The following APBA1 variants were observed in gnomAD, a reference collection of about 807,000 sequenced individuals.
The protein encoded by APBA1 is amyloid beta precursor protein binding family A member 1.
A neutral mutation model predicts 86.6 loss-of-function variants in APBA1; 55 were observed. The ratio of observed to expected loss-of-function variants is 0.64; its 90% CI spans 0.51 to 0.80. The LOEUF (loss-of-function observed/expected upper bound fraction) is 0.80, where lower values mean the gene tolerates loss of function less well. APBA1 is among the 30% of genes least tolerant of loss of function. The pLI is 0.00. For synonymous variants in APBA1, 511 were observed against 493.9 expected, an observed-to-expected ratio of 1.03 and a Z score of -0.46; for missense variants, 1,090 against 1,183.0, an observed-to-expected ratio of 0.92 and a Z score of 1.15.
intron 1 of APBA1, among the ~76,000 whole-genome samples, chr9:69,626,677 CT>C (rs1822937611): frequency 6.6e-6 from 1 of 152,104 alleles, no homozygotes; most frequent in Non-Finnish European, 1.5e-5. Context: ...TAAATTTACT[CT>C]TTAAGACTTG....
chr9:69,659,904 A>T (rs938611614), intron 1 of APBA1, among the ~76,000 whole-genome samples: 2 of 152,228 alleles, frequency 1.3e-5, no homozygotes, highest in Non-Finnish European at 2.9e-5. Context: ...CAGAAAGCTG[A>T]CTTAATTGTT....
chr9:69,599,878 C>T (rs1446327401), intron 1 of APBA1, among the ~76,000 whole-genome samples: 1 of 152,164 alleles, frequency 6.6e-6, no homozygotes, highest in Non-Finnish European at 1.5e-5. Flanking sequence ...GATCAGGAGG[C>T]CAAAGTAAGT....
At chr9:69,526,180 A>G (rs569292872) in intron 1 of APBA1, among the ~76,000 whole-genome samples, 5 of 152,288 alleles carry the variant, frequency 3.3e-5, no homozygotes, top group African/African-American at 1.2e-4. Context: ...TTTATGATGA[A>G]GTCCTCAAAA....
At chr9:69,471,815 C>T in intron 3 of APBA1, 120 bp from the exon 4 acceptor site, 1 of 789,366 alleles carries the variant, frequency 1.3e-6, no homozygotes, top group Non-Finnish European at 2.1e-6. Flanking sequence ...AATTATTGAT[C>T]ATTTTTAGTT....
intron 1 of APBA1, among the ~76,000 whole-genome samples, chr9:69,658,266 T>TTCTCTCTCTCTCTTTCTCTCTCTCTC (rs1491080431): frequency 1.2e-5 from 1 of 81,602 alleles, no homozygotes; most frequent in Non-Finnish European, 2.4e-5. Flanking sequence ...CTTTCTTTCT[T>TTCTCTCTCTCTCTTTCTCTCTCTCTC]TCTTTCTTTC....
chr9:69,600,834 A>AAAT (rs1485385151), intron 1 of APBA1, among the ~76,000 whole-genome samples: 1 of 141,712 alleles, frequency 7.1e-6, no homozygotes, highest in Non-Finnish European at 1.5e-5. Flanking sequence ...ATAAATAAAT[A>AAAT]AAATAAAATA....
chr9:69,526,080 A>T (rs1836337595), intron 1 of APBA1, among the ~76,000 whole-genome samples: 1 of 152,120 alleles, frequency 6.6e-6, no homozygotes, highest in Non-Finnish European at 1.5e-5. Flanking sequence ...ATTGAAGATA[A>T]ATGTAAAATA....
chr9:69,609,981 GACTTA>G (rs1458642436), intron 1 of APBA1, among the ~76,000 whole-genome samples: 5 of 152,058 alleles, frequency 3.3e-5, no homozygotes, highest in African/African-American at 1.2e-4. Flanking sequence ...AGTCCTTATT[GACTTA>G]ACTTGGGATC....
At chr9:69,431,491 C>CTGG in intron 12 of APBA1, 93 bp from the exon 13 acceptor site, 1 of 1,103,442 alleles carries the variant, frequency 9.1e-7, no homozygotes, top group Non-Finnish European at 1.3e-6. Context: ...CAGTGCCTCT[C>CTGG]CCACAGAGGG....
At chr9:69,563,732 T>C (rs144598836) in intron 1 of APBA1, among the ~76,000 whole-genome samples, 2 of 152,276 alleles carry the variant, frequency 1.3e-5, no homozygotes, top group African/African-American at 4.8e-5. Context: ...CTGGCTCAAC[T>C]GTTTTGCACT....
rs1223443856 is a variant in APBA1, at chr9:69,523,523, A to G, written c.-69-6244T>C. On this transcript the variant is annotated intron_variant, in intron 1 of 12. Coordinates refer to ENST00000265381, the MANE Select transcript of APBA1 (RefSeq NM_001163.4). Reference sequence around the variant, plus strand: ...TATATATATATATATATATATATATATATATATATAGACACACACACACAC... The same window carrying G: ...TATATATATATATATATATATATATGTATATATATAGACACACACACACAC... Among the ~76,000 whole-genome samples the G allele has an allele frequency of 8.0e-5, 5 of 62,194 alleles. No individual in the cohort carries two copies. In the South Asian group the frequency reaches 1.6e-3, roughly 20 times the overall value. The allele number at this position is 62,194 out of a possible 152,430, so 40.8% of individuals were successfully genotyped here.
chr9:69,557,430 G>A (rs1836879328), intron 1 of APBA1, among the ~76,000 whole-genome samples: 1 of 152,180 alleles, frequency 6.6e-6, no homozygotes, highest in African/African-American at 2.4e-5. Flanking sequence ...GAAGAACAAT[G>A]AATAACCCAA....
intron 1 of APBA1, among the ~76,000 whole-genome samples, chr9:69,671,634 T>C (rs944990098): frequency 6.6e-6 from 1 of 152,068 alleles, no homozygotes; most frequent in African/African-American, 2.4e-5. Flanking sequence ...CACACACATA[T>C]ACAGGATTTT....
intron 1 of APBA1, among the ~76,000 whole-genome samples, chr9:69,541,377 T>C (rs961983690): frequency 6.6e-6 from 1 of 152,116 alleles, no homozygotes; most frequent in African/African-American, 2.4e-5. Flanking sequence ...TGTTTTGTTT[T>C]TGTTTTTGAT....
At chr9:69,441,247 GCCT>G in intron 10 of APBA1, 132 bp from the exon 11 acceptor site, 2 of 1,091,568 alleles carry the variant, frequency 1.8e-6, no homozygotes, top group Non-Finnish European at 2.6e-6. Flanking sequence ...TTGCCTGCAG[GCCT>G]CTGGTGCCTG....
chr9:69,455,741 C>G (rs1835084850), intron 8 of APBA1, among the ~76,000 whole-genome samples: 1 of 152,122 alleles, frequency 6.6e-6, no homozygotes, highest in African/African-American at 2.4e-5. Context: ...CAGACCTGCT[C>G]AAACCCCTAC....
At chr9:69,587,268 C>T (rs776426884) in intron 1 of APBA1, among the ~76,000 whole-genome samples, 8 of 152,178 alleles carry the variant, frequency 5.3e-5, no homozygotes, top group Non-Finnish European at 1.2e-4. Flanking sequence ...GTAATTGGTT[C>T]TGTGATGGGC....
intron 2 of APBA1, among the ~76,000 whole-genome samples, chr9:69,504,996 T>C (rs1018813815): frequency 1.3e-5 from 2 of 151,992 alleles, no homozygotes; most frequent in African/African-American, 4.8e-5. Context: ...TGTCTCTAAT[T>C]CTTGGGCCTT....
intron 10 of APBA1, among the ~76,000 whole-genome samples, chr9:69,444,804 T>C (rs1834881515): frequency 6.6e-6 from 1 of 152,348 alleles, no homozygotes; most frequent in African/African-American, 2.4e-5. Context: ...TCACTTGTCA[T>C]GTGCCAAGAA....
Sources: allele counts gnomAD v4.1 joint callset (sites outside exome capture counted in the v4.1 genomes callset), GRCh38; gene constraint gnomAD v4.1.1; transcripts MANE v1.5; gene names NCBI Gene and HGNC (gene_info 2026-07-23, HGNC 2026-07-21).